Variants in ARHGAP8 observed in about 807,000 individuals in gnomAD.
ARHGAP8 encodes the protein Rho GTPase activating protein 8.
Under a neutral mutation model 46.1 loss-of-function variants are expected in ARHGAP8, and 62 were observed. The ratio of observed to expected loss-of-function variants is 1.34; its 90% CI spans 1.10 to 1.66. The LOEUF (loss-of-function observed/expected upper bound fraction) is 1.66. Among genes scored for constraint, ARHGAP8 ranks in the 40% most tolerant of loss-of-function variants. The pLI, the probability that ARHGAP8 is intolerant of heterozygous loss-of-function variation, is 0.00. For synonymous variants in ARHGAP8, 375 were observed against 243.1 expected (o/e 1.54, Z -5.05); for missense variants, 923 against 568.4 (o/e 1.62, Z -6.34).
chr22:44,775,247 T>C (rs535197570), intron 1 of ARHGAP8, among the ~76,000 whole-genome samples: 3 of 152,346 alleles, frequency 2.0e-5, no homozygotes, highest in Admixed American at 6.5e-5. Context: ...ACCAGCGTTT[T>C]ATGTACCATA....
At chr22:44,769,864 A>C (rs552301018) in intron 1 of ARHGAP8, among the ~76,000 whole-genome samples, 11 of 152,340 alleles carry the variant, frequency 7.2e-5, no homozygotes, top group African/African-American at 2.6e-4. Flanking sequence ...CTCCTTGAAA[A>C]TTCAGAGGCT....
At chr22:44,813,087 A>C (rs1001059560) in intron 4 of ARHGAP8, among the ~76,000 whole-genome samples, 11 of 152,122 alleles carry the variant, frequency 7.2e-5, no homozygotes. Flanking sequence ...GGAATCTGCC[A>C]TTCTCCAAGG....
chr22:44,810,004 TG>T (rs1480707681), intron 4 of ARHGAP8, among the ~76,000 whole-genome samples: 1 of 152,138 alleles, frequency 6.6e-6, no homozygotes, highest in Non-Finnish European at 1.5e-5. Context: ...ACTGGGCACC[TG>T]TATAAGCTGG....
At chr22:44,798,706 C>T (rs958665897) in intron 2 of ARHGAP8, among the ~76,000 whole-genome samples, 2 of 152,096 alleles carry the variant, frequency 1.3e-5, no homozygotes, top group African/African-American at 4.8e-5. Flanking sequence ...CTGCCTTGTC[C>T]AGGGCAGCCC....
intron 2 of ARHGAP8, among the ~76,000 whole-genome samples, chr22:44,799,160 G>C (rs1328775201): frequency 6.6e-6 from 1 of 152,234 alleles, no homozygotes; most frequent in African/African-American, 2.4e-5. Context: ...CCCCTGTGCT[G>C]GGCCTGGAAC....
rs766400143 is a variant in ARHGAP8, at chr22:44,862,326, G to A, written c.1033G>A (p.Val345Ile). The A allele has an allele frequency of 1.9e-5, 31 of 1,613,730 alleles. No individual in the cohort carries two copies. Among genetic ancestry groups the A allele is most frequent in the Non-Finnish European group, 2.6e-5 (31 of 1,179,860 alleles). The change falls in exon 12 of 12, where the codon GTC (valine) becomes ATC (isoleucine). Residue 345 changes from valine (V) to isoleucine (I), a missense_variant. By Grantham distance (29) the Val-to-Ile change is conservative. Transcript: ENST00000356099. ...NKMNSSNLAC[V>I]FGLNLIWPSQ... The stretch of plus-strand genomic sequence containing the variant: ...AATGAACAGCTCTAACCTGGCCTGT[G>A]TCTTCGGGCTGAATTTGATCTGGCC...
At chr22:44,814,440 G>A (rs1929586648) in intron 4 of ARHGAP8, among the ~76,000 whole-genome samples, 1 of 152,194 alleles carries the variant, frequency 6.6e-6, no homozygotes, top group African/African-American at 2.4e-5. Context: ...CCGACTTGCA[G>A]CTGTGCCTCG....
At chr22:44,752,753 A>C (rs1924336522) in intron 1 of ARHGAP8, 126 bp downstream of exon 1, 1 of 151,366 alleles carries the variant, frequency 6.6e-6, no homozygotes. Flanking sequence ...AGGGACGCCC[A>C]GGCGGGCGCG....
At position 44,859,724 on chromosome 22, in the gene ARHGAP8, C is replaced by G. The variant is rs770105935; in HGVS notation, c.878-7C>G. On this transcript the variant is annotated splice_polypyrimidine_tract_variant and splice_region_variant and intron_variant, in intron 10 of 11. Coordinates refer to ENST00000356099, the MANE Select transcript of ARHGAP8 (RefSeq NM_181335.3). Reference sequence around the variant, plus strand: ...GGAGCTCAGCAGGGAGCCCCATGCCCTTCCAGGTGTGGAGAGCAGCCTGCG... The same window carrying G: ...GGAGCTCAGCAGGGAGCCCCATGCCGTTCCAGGTGTGGAGAGCAGCCTGCG... 1 of 1,613,180 alleles carries G rather than the reference C, an allele frequency of 6.2e-7. No homozygotes were observed. Among genetic ancestry groups the G allele is most frequent in the South Asian group, 1.1e-5 (1 of 91,060 alleles).
chr22:44,860,794 C>A (rs2070440773), intron 11 of ARHGAP8, among the ~76,000 whole-genome samples: 1 of 152,098 alleles, frequency 6.6e-6, no homozygotes, highest in Non-Finnish European at 1.5e-5. Flanking sequence ...GGGTCCACCC[C>A]CAACCCCCAG....
At chr22:44,848,887 C>T (rs775735836) in intron 9 of ARHGAP8, 45 bp from the exon 10 acceptor site, 28 of 1,609,814 alleles carry the variant, frequency 1.7e-5, no homozygotes, top group Non-Finnish European at 2.2e-5. Flanking sequence ...GCGGCAGTGC[C>T]CAGGCCGGGG....
chr22:44,821,946 G>T (rs528687296), intron 5 of ARHGAP8, among the ~76,000 whole-genome samples: 98 of 146,762 alleles, frequency 6.7e-4, no homozygotes, highest in Admixed American at 3.6e-3. Flanking sequence ...AGCCACCACT[G>T]ACCCCAAAAC....
intron 11 of ARHGAP8, among the ~76,000 whole-genome samples, chr22:44,860,343 C>T (rs2349860): frequency 0.52 from 78,977 of 151,858 alleles, 20,916 homozygotes; most frequent in East Asian, 0.62. Context: ...GGCTGTGCTC[C>T]TTCCAGAGGC....
chr22:44,791,834 G>C (rs1250222067), intron 2 of ARHGAP8, among the ~76,000 whole-genome samples: 1 of 152,190 alleles, frequency 6.6e-6, no homozygotes, highest in Non-Finnish European at 1.5e-5. Context: ...CAACAAGGAT[G>C]GAGGTGCCTG....
At chr22:44,808,253 G>A in intron 3 of ARHGAP8, 54 bp from the exon 4 acceptor site, 2 of 1,581,388 alleles carry the variant, frequency 1.3e-6, no homozygotes, top group Non-Finnish European at 1.7e-6. Flanking sequence ...AGCACGTTTG[G>A]TTTCAATAAT....
intron 5 of ARHGAP8, among the ~76,000 whole-genome samples, chr22:44,815,495 C>T (rs1929672483): frequency 6.6e-6 from 1 of 152,096 alleles, no homozygotes; most frequent in Non-Finnish European, 1.5e-5. Flanking sequence ...GGCCGACTCT[C>T]CCAGGAGCTG....
intron 5 of ARHGAP8, among the ~76,000 whole-genome samples, chr22:44,819,298 C>G (rs1929963035): frequency 6.6e-6 from 1 of 152,218 alleles, no homozygotes; most frequent in Non-Finnish European, 1.5e-5. Flanking sequence ...AATTCCTAAC[C>G]TCAAGTAATC....
At position 44,839,024 on chromosome 22, in the gene ARHGAP8, C is replaced by T. The variant is rs568315498; in HGVS notation, c.597-6245C>T. Among the ~76,000 whole-genome samples the T allele has an allele frequency of 2.0e-4, 31 of 152,170 alleles. 1 individual carries two copies. In the East Asian group the frequency reaches 2.3e-3, roughly 11 times the overall value. On this transcript the variant is annotated intron_variant, in intron 7 of 11. Coordinates refer to ENST00000356099, the MANE Select transcript of ARHGAP8 (RefSeq NM_181335.3). ...CTGGCCGGTGGTGATCTAGCTCCTA[C>T]GGGAAGGGAGGGACAGGGTTTGAAA...
At chr22:44,847,135 G>A (rs890843697) in intron 8 of ARHGAP8, among the ~76,000 whole-genome samples, 16 of 152,264 alleles carry the variant, frequency 1.1e-4, no homozygotes, top group East Asian at 1.9e-4. Flanking sequence ...CTGGTGTTCC[G>A]GGGCACCCCC....
Sources: gnomAD v4.1 joint callset for allele counts (sites outside exome capture counted in the v4.1 genomes callset) on GRCh38, gnomAD v4.1.1 for gene constraint, MANE v1.5 for transcripts, NCBI Gene and HGNC (gene_info 2026-07-23, HGNC 2026-07-21) for gene names.